The following SERTAD2 variants were observed in gnomAD, a reference collection of about 807,000 sequenced individuals.
SERTAD2 encodes SERTA domain containing 2.
Under a neutral mutation model 15.4 loss-of-function variants are expected in SERTAD2, and 2 were observed. The ratio of observed to expected loss-of-function variants is 0.13; its 90% CI spans 0.05 to 0.41. The LOEUF is 0.41. Ranked by LOEUF, SERTAD2 falls within the 10% of genes least tolerant of loss-of-function variation. The probability of loss-of-function intolerance (pLI) is 0.99; values close to 1 mark genes in which losing one functional copy is unlikely to be tolerated. For synonymous variants in SERTAD2, 180 were observed against 178.0 expected (o/e 1.01, Z -0.09); for missense variants, 333 against 409.7 (o/e 0.81, Z 1.62).
At position 64,636,686 on chromosome 2, in the gene SERTAD2, G is replaced by T; in HGVS notation, c.186C>A (p.Thr62=). 1 of 1,614,120 alleles carries T rather than the reference G, an allele frequency of 6.2e-7. No individual in the cohort carries two copies. Among genetic ancestry groups the T allele is most frequent in the African/African-American group, 1.3e-5 (1 of 75,020 alleles). The change falls in exon 2 of 2, where the codon ACC becomes ACA. Residue 62 remains threonine, a synonymous_variant. Transcript: ENST00000313349. ...GCCTCAACATGTTGTTAATTAAAAC[G>T]GTCTTTTGCAAGCTGGGCTCTGTCA... is the stretch of plus-strand genomic sequence containing the variant. ...RPLTEPSLQK[T]VLINNMLRRI...
chr2:64,651,131 T>G (rs1301757871), intron 1 of SERTAD2, among the ~76,000 whole-genome samples: 1 of 152,248 alleles, frequency 6.6e-6, no homozygotes, highest in Non-Finnish European at 1.5e-5. Context: ...CAGGTAATAT[T>G]GACAAAGTGG....
At chr2:64,640,932 G>C (rs1367205305) in intron 1 of SERTAD2, among the ~76,000 whole-genome samples, 2 of 152,128 alleles carry the variant, frequency 1.3e-5, no homozygotes, top group Non-Finnish European at 2.9e-5. Context: ...ATAGTCATTG[G>C]CTCTTAACAT....
Position 64,641,382 on chromosome 2 carries a change from G to A in SERTAD2, c.-4-4507C>T, listed in dbSNP as rs549425269. Reference sequence around the variant, plus strand: ...AGATTACTGTGGGCTGGGGGCGGCCGGGAGACTGCTGGAAATAGATTTGTA... The same window carrying A: ...AGATTACTGTGGGCTGGGGGCGGCCAGGAGACTGCTGGAAATAGATTTGTA... On this transcript the variant is annotated intron_variant, in intron 1 of 1. Coordinates refer to ENST00000313349, the MANE Select transcript of SERTAD2 (RefSeq NM_014755.3). 1.3e-3 allele frequency among the ~76,000 whole-genome samples: 202 copies of A among 152,250 alleles called. 1 individual carries two copies. The highest frequency in any genetic ancestry group is 2.5e-3 in the Non-Finnish European group (168 of 68,022).
intron 1 of SERTAD2, among the ~76,000 whole-genome samples, chr2:64,640,088 C>A (rs950244275): frequency 6.6e-6 from 1 of 152,208 alleles, no homozygotes; most frequent in Non-Finnish European, 1.5e-5. Flanking sequence ...TGACTCCACA[C>A]ACCCAGTAAG....
intron 1 of SERTAD2, among the ~76,000 whole-genome samples, chr2:64,653,180 C>T (rs1675051597): frequency 6.6e-6 from 1 of 152,210 alleles, no homozygotes; most frequent in Admixed American, 6.5e-5. Flanking sequence ...AAGTTGGATG[C>T]AAACCCGGCC....
In SERTAD2 at chr2:64,634,898, GAA is replaced by G. The variant is rs1258010490; in HGVS notation, c.*1027_*1028del. 6.6e-6 allele frequency: 1 copy of G among 152,634 alleles called. No individual in the cohort carries two copies. The highest frequency in any genetic ancestry group is 2.4e-5 in the African/African-American group (1 of 41,444). The allele number at this position is 152,634 out of a possible 1,614,324, so 9.5% of individuals were successfully genotyped here. ...AAACTTGGCATAAATACACTCTTAA[GAA>G]AGACAGTAGCTTTACCCTCAAAAGA... On this transcript the variant is annotated 3_prime_UTR_variant, in exon 2 of 2. Coordinates refer to ENST00000313349, the MANE Select transcript of SERTAD2 (RefSeq NM_014755.3).
chr2:64,637,751 T>C (rs1168221131), intron 1 of SERTAD2, among the ~76,000 whole-genome samples: 1 of 152,206 alleles, frequency 6.6e-6, no homozygotes, highest in Non-Finnish European at 1.5e-5. Flanking sequence ...TCTCAGACCC[T>C]GAGAATCTGG....
chr2:64,645,849 T>A (rs556412996), intron 1 of SERTAD2, among the ~76,000 whole-genome samples: 2 of 152,208 alleles, frequency 1.3e-5, no homozygotes, highest in Non-Finnish European at 2.9e-5. Flanking sequence ...TATGAAGCTA[T>A]GGACACCAAT....
At chr2:64,639,916 G>A (rs1345636696) in intron 1 of SERTAD2, among the ~76,000 whole-genome samples, 1 of 152,186 alleles carries the variant, frequency 6.6e-6, no homozygotes, top group Non-Finnish European at 1.5e-5. Context: ...ATGCTGCCTG[G>A]AAGGGGAGGG....
At chr2:64,643,684 C>T (rs533711330) in intron 1 of SERTAD2, among the ~76,000 whole-genome samples, 9 of 152,212 alleles carry the variant, frequency 5.9e-5, no homozygotes, top group African/African-American at 2.2e-4. Context: ...CTGGCTAACA[C>T]GGTGAAACCC....
chr2:64,636,258 G>C lies in SERTAD2; in HGVS notation c.614C>G (p.Thr205Ser). ...CTCTTGAGGACCGTCGAGTTTCTGGGTGCCAGCCTCGCTGGAGGTCCCTTT... is the reference window on the plus strand; with the variant it reads ...CTCTTGAGGACCGTCGAGTTTCTGGCTGCCAGCCTCGCTGGAGGTCCCTTT... ...SVKGTSSEAG[T>S]QKLDGPQESR... Residue 205 changes from threonine to serine, a missense_variant, in exon 2 of 2, where the codon ACC becomes AGC. By Grantham distance (58) the Thr-to-Ser change is moderately conservative (BLOSUM62 1). This residue lies in a region of SERTAD2 where 332 missense variants were observed against 392.9 expected (regional missense o/e 0.84). Transcript: ENST00000313349. 1 of 1,614,198 alleles carries C rather than the reference G, an allele frequency of 6.2e-7. No individual in the cohort carries two copies. The highest frequency in any genetic ancestry group is 2.2e-5 in the East Asian group (1 of 44,888).
intron 1 of SERTAD2, among the ~76,000 whole-genome samples, chr2:64,647,215 A>C (rs536723852): frequency 6.6e-6 from 1 of 152,350 alleles, no homozygotes; most frequent in East Asian, 1.9e-4. Flanking sequence ...GTTCAATAAT[A>C]ATGCTCATAA....
chr2:64,641,813 A>C (rs1370613887), intron 1 of SERTAD2, among the ~76,000 whole-genome samples: 2 of 152,164 alleles, frequency 1.3e-5, no homozygotes, highest in African/African-American at 2.4e-5. Flanking sequence ...TCCAGCTGAG[A>C]AGCTCTTCTG....
intron 1 of SERTAD2, among the ~76,000 whole-genome samples, chr2:64,642,993 A>G (rs1407310293): frequency 6.6e-6 from 1 of 152,222 alleles, no homozygotes; most frequent in Non-Finnish European, 1.5e-5. Flanking sequence ...TCAAATTCAC[A>G]GCTTAGTTCT....
intron 1 of SERTAD2, among the ~76,000 whole-genome samples, chr2:64,641,403 T>G (rs989545300): frequency 9.9e-5 from 15 of 152,184 alleles, no homozygotes; most frequent in Non-Finnish European, 1.9e-4. Context: ...GGAAATAGAT[T>G]TGTAGCCTAT....
rs1674591971 is a variant in SERTAD2 at position 64,633,889 on chromosome 2, T to C, written c.*2038A>G. On this transcript the variant is annotated 3_prime_UTR_variant, in exon 2 of 2. Transcript: ENST00000313349. The stretch of plus-strand genomic sequence containing the variant: ...AAGTAAATTAGAATGTAGAAAGCCT[T>C]TATCATATCATACTCAAATCTTTTG... The C allele has an allele frequency of 6.6e-6, 1 of 152,512 alleles. No homozygotes were observed. The highest frequency in any genetic ancestry group is 2.1e-4 in the South Asian group (1 of 4,832). The allele number at this position is 152,512 out of a possible 1,614,324, so 9.4% of individuals were successfully genotyped here. A position where few individuals can be genotyped will look rare whatever the true frequency, so the allele number is the denominator to read the frequency against.
chr2:64,642,308 G>T (rs746575072), intron 1 of SERTAD2, among the ~76,000 whole-genome samples: 3 of 152,148 alleles, frequency 2.0e-5, no homozygotes, highest in Non-Finnish European at 4.4e-5. Flanking sequence ...GGGTCTTAAA[G>T]TGATGGCAGT....
intron 1 of SERTAD2, 37 bp from the exon 2 acceptor site, chr2:64,636,912 A>G: frequency 7.2e-7 from 1 of 1,393,242 alleles, no homozygotes. Flanking sequence ...CATTAATCAC[A>G]TGAAAGCTGA....
In SERTAD2 at chr2:64,648,236, C is replaced by T. The variant is rs1674945380; in HGVS notation, c.-5+5384G>A. ...GTAATACCTGTCCCATGTAAGTAACCTACATGTTCCGAATGTTTAATTTGG... is the reference window on the plus strand; with the variant it reads ...GTAATACCTGTCCCATGTAAGTAACTTACATGTTCCGAATGTTTAATTTGG... On this transcript the variant is annotated intron_variant, in intron 1 of 1. Transcript: ENST00000313349. Among the ~76,000 whole-genome samples the T allele has an allele frequency of 2.0e-5, 3 of 152,166 alleles. 1 individual carries two copies. Among genetic ancestry groups the T allele is most frequent in the South Asian group, 4.1e-4 (2 of 4,826 alleles).
Sources: allele counts gnomAD v4.1 joint callset (sites outside exome capture counted in the v4.1 genomes callset), GRCh38; gene constraint gnomAD v4.1.1; regional missense constraint gnomAD v4.1.1; transcripts MANE v1.5; gene names NCBI Gene and HGNC (gene_info 2026-07-23, HGNC 2026-07-21).